The following COLEC10 variants were observed in gnomAD, a reference collection of about 807,000 sequenced individuals.
COLEC10 encodes the protein collectin-10.
COLEC10 carries 22 observed loss-of-function variants against 28.4 expected under a neutral mutation model. The observed-to-expected ratio is 0.78, with a 90% CI of 0.55 to 1.11. COLEC10 has a LOEUF of 1.11. COLEC10 is among the 50% of genes least tolerant of loss of function. The pLI is 0.00. For missense variants in COLEC10, 361 were observed against 344.1 expected, an observed-to-expected ratio of 1.05 and a Z score of -0.39; for synonymous variants, 125 against 116.1, an observed-to-expected ratio of 1.08 and a Z score of -0.49.
intron 3 of COLEC10, among the ~76,000 whole-genome samples, chr8:119,091,605 GAAAGAA>G (rs1815603825): frequency 1.9e-5 from 2 of 103,058 alleles, no homozygotes; most frequent in Non-Finnish European, 3.6e-5. Flanking sequence ...GAGAAAGAAA[GAAAGAA>G]AGAAAGAAAG....
intron 2 of COLEC10, among the ~76,000 whole-genome samples, chr8:119,020,174 T>A: frequency 6.6e-6 from 1 of 152,164 alleles, no homozygotes; most frequent in Non-Finnish European, 1.5e-5. Flanking sequence ...TGAACTGGGT[T>A]TCTGCTGCTC....
At chr8:119,038,214 G>A (rs78491283) in intron 2 of COLEC10, among the ~76,000 whole-genome samples, 3,989 of 152,282 alleles carry the variant, frequency 0.026, 181 homozygotes, top group African/African-American at 0.091. Context: ...CAGCTTTGCC[G>A]TTTCTAGCAT....
the COLEC10 span, among the ~76,000 whole-genome samples, chr8:118,983,950 G>C: frequency 6.6e-6 from 1 of 152,062 alleles, no homozygotes; most frequent in South Asian, 2.1e-4. Flanking sequence ...CCTTAAAACA[G>C]AATTACCATT....
intron 2 of COLEC10, among the ~76,000 whole-genome samples, chr8:119,012,706 G>A (rs557832442): frequency 6.6e-6 from 1 of 150,474 alleles, no homozygotes; most frequent in South Asian, 2.1e-4. Context: ...GGCAGATTGT[G>A]TTTTTCAAGG....
At chr8:119,096,905 T>TG (rs1470905495) in intron 3 of COLEC10, among the ~76,000 whole-genome samples, 3 of 152,048 alleles carry the variant, frequency 2.0e-5, no homozygotes, top group African/African-American at 7.2e-5. Context: ...GCAGAACAAC[T>TG]GAAACTCTTA....
In COLEC10 at chr8:119,096,756, G is replaced by A. The variant is rs145560624; in HGVS notation, c.292+5536G>A. Among the ~76,000 whole-genome samples the A allele has an allele frequency of 3.9e-3, 595 of 151,924 alleles. 8 individuals carry two copies. Among genetic ancestry groups the A allele is most frequent in the African/African-American group, 0.013 (521 of 41,462 alleles). ...ATACAAATCACTAAGAAAAATAACT[G>A]ATAACCCAAAGAAATAAAAAAGGTC... On this transcript the variant is annotated intron_variant, in intron 3 of 5. Transcript: ENST00000332843.
chr8:119,078,656 C>G (rs940621623), intron 1 of COLEC10, among the ~76,000 whole-genome samples: 3 of 151,944 alleles, frequency 2.0e-5, no homozygotes, highest in African/African-American at 4.8e-5. Flanking sequence ...ATCACGTAGC[C>G]CATCATCTTG....
At chr8:119,009,936 G>T (rs1378682737) in intron 2 of COLEC10, among the ~76,000 whole-genome samples, 2 of 150,546 alleles carry the variant, frequency 1.3e-5, no homozygotes, top group African/African-American at 2.5e-5. Context: ...TCGAACTTCT[G>T]CCCCCACATC....
At chr8:118,994,432 A>C (rs1172213854), upstream of COLEC10, among the ~76,000 whole-genome samples, 1 of 152,236 alleles carries the variant, frequency 6.6e-6, no homozygotes, top group African/African-American at 2.4e-5. Flanking sequence ...TTCAAAGTTT[A>C]TTTTAGTAAT....
At chr8:118,972,110 G>C in the COLEC10 span, among the ~76,000 whole-genome samples, 372 of 151,986 alleles carry the variant, frequency 2.4e-3, 6 homozygotes, top group African/African-American at 8.2e-3. Flanking sequence ...CTAGCACCTA[G>C]TGTGATTTGA....
chr8:119,096,154 A>G (rs1815712178), intron 3 of COLEC10, among the ~76,000 whole-genome samples: 6 of 152,186 alleles, frequency 3.9e-5, no homozygotes, highest in Admixed American at 3.3e-4. Context: ...GAGAGACCTA[A>G]ATTTGAAAGG....
chr8:118,982,733 C>T, the COLEC10 span: 1 of 154,276 alleles, frequency 6.5e-6, no homozygotes, highest in East Asian at 1.9e-4. Flanking sequence ...ACCCAACTTC[C>T]TCTGGTTGTC....
chr8:119,088,835 T>A lies in COLEC10; in HGVS notation c.149-845T>A, dbSNP rs569539873. Among the ~76,000 whole-genome samples, 14 of 152,356 alleles carry A rather than the reference T, an allele frequency of 9.2e-5. No individual in the cohort carries two copies. In the South Asian group the frequency reaches 2.7e-3, roughly 29 times the overall value. The stretch of plus-strand genomic sequence containing the variant: ...AACAGCAGCCATCATTGCTAAGCAC[T>A]GATTGTATCCCAGGTGTTCTATGTC... On this transcript the variant is annotated intron_variant, in intron 1 of 5. Transcript: ENST00000332843.
intron 2 of COLEC10, among the ~76,000 whole-genome samples, chr8:119,043,478 C>T (rs187046480): frequency 1.4e-4 from 21 of 152,268 alleles, no homozygotes; most frequent in Admixed American, 3.3e-4. Context: ...CCACCAGTAT[C>T]CAAAACTGTA....
At chr8:119,005,661 A>G (rs1813780949) in intron 1 of COLEC10, among the ~76,000 whole-genome samples, 1 of 152,186 alleles carries the variant, frequency 6.6e-6, no homozygotes, top group Admixed American at 6.6e-5. Context: ...GTGAAAAACT[A>G]GTTTCTAAAG....
At chr8:119,009,927 C>T (rs745710843) in intron 2 of COLEC10, among the ~76,000 whole-genome samples, 2 of 150,622 alleles carry the variant, frequency 1.3e-5, no homozygotes, top group African/African-American at 5.0e-5. Flanking sequence ...AATTTCCTGT[C>T]GAACTTCTGC....
chr8:119,034,405 T>C (rs1026285158), intron 2 of COLEC10, among the ~76,000 whole-genome samples: 3 of 148,624 alleles, frequency 2.0e-5, no homozygotes, highest in African/African-American at 7.6e-5. Flanking sequence ...ATCCCAGAAC[T>C]TACAGTATTT....
chr8:119,038,189 C>T (rs1006940802), intron 2 of COLEC10, among the ~76,000 whole-genome samples: 5 of 152,206 alleles, frequency 3.3e-5, no homozygotes, highest in East Asian at 1.9e-4. Flanking sequence ...ATGAGATCAA[C>T]CTGGGCTCAA....
At chr8:118,960,713 G>C in the COLEC10 span, among the ~76,000 whole-genome samples, 4,383 of 151,360 alleles carry the variant, frequency 0.029, 127 homozygotes, top group East Asian at 0.17. Context: ...TGAACCGGTG[G>C]GGGGTGGAGG....
Sources: allele counts gnomAD v4.1 joint callset (sites outside exome capture counted in the v4.1 genomes callset), GRCh38; gene constraint gnomAD v4.1.1; transcripts MANE v1.5; gene names NCBI Gene and HGNC (gene_info 2026-07-23, HGNC 2026-07-21).